The following CPD variants were observed in gnomAD, a reference collection of about 807,000 sequenced individuals.
CPD encodes metallocarboxypeptidase D.
A neutral mutation model predicts 138.3 loss-of-function variants in CPD; 69 were observed. The ratio of observed to expected loss-of-function variants is 0.50; its 90% confidence interval spans 0.41 to 0.61. The LOEUF is 0.61. CPD is among the 20% of genes least tolerant of loss of function. The pLI is 0.00. For missense variants in CPD, 1,432 were observed against 1,733.3 expected (o/e 0.83, Z 3.09); for synonymous variants, 651 against 642.1 (o/e 1.01, Z -0.21).
rs1443143651 is a variant in CPD at position 30,468,271 on chromosome 17, T to A, written c.*3457T>A. The A allele has an allele frequency of 2.0e-5, 3 of 152,618 alleles. No individual in the cohort carries two copies. The East Asian group carries it at 5.8e-4, about 29-fold the overall frequency. The allele number at this position is 152,618 out of a possible 1,614,324, so 9.5% of individuals were successfully genotyped here. On this transcript the variant is annotated 3_prime_UTR_variant, in exon 21 of 21. Coordinates refer to ENST00000225719, the MANE Select transcript of CPD (RefSeq NM_001304.5). ...CAGTTGGATATAAATTATGTAAATA[T>A]GTATGATTATGATTTTTATAAATGG...
rs1469712228 is a variant in CPD, at chr17:30,466,202, G to C, written c.*1388G>C. On this transcript the variant is annotated 3_prime_UTR_variant, in exon 21 of 21. Coordinates refer to ENST00000225719, the MANE Select transcript of CPD (RefSeq NM_001304.5). ...AATGATGTAACGGTTTAATACCTTT[G>C]AATGTTTTAATAACCAAGTTGCTGC... The C allele has an allele frequency of 1.3e-5, 2 of 152,588 alleles. No individual in the cohort carries two copies. Among genetic ancestry groups the C allele is most frequent in the African/African-American group, 4.8e-5 (2 of 41,440 alleles). The allele number at this position is 152,588 out of a possible 1,614,324, so 9.5% of individuals were successfully genotyped here. A position where few individuals can be genotyped will look rare whatever the true frequency, so the allele number is the denominator to read the frequency against.
At position 30,379,276 on chromosome 17, in the gene CPD, T is replaced by G. The variant is rs1316971256; in HGVS notation, c.296T>G (p.Leu99Arg). Residue 99 changes from leucine to arginine, a missense_variant, in exon 1 of 21, where the codon CTC becomes CGC. Leu to Arg is a moderately radical substitution (Grantham distance 102). This residue lies in a region of CPD where 484 missense variants were observed against 477.2 expected (regional missense o/e 1.01). Coordinates refer to ENST00000225719, the MANE Select transcript of CPD (RefSeq NM_001304.5). The surrounding 1 kb of genome is among the most constrained non-coding windows in gnomAD (Gnocchi z 7.0). ...VEGRPLWVLR[L>R]TAGLGSLIPE... is the part of the protein sequence containing the mutation. ...GGCCGGCCGCTGTGGGTGCTTCGCC[T>G]CACCGCCGGCCTGGGGTCGCTAATC... The G allele has an allele frequency of 6.6e-7, 1 of 1,511,232 alleles. No individual in the cohort carries two copies. The highest frequency in any genetic ancestry group is 8.8e-7 in the Non-Finnish European group (1 of 1,136,390). 93.6% of individuals were successfully genotyped at this position (1,511,232 alleles called of 1,614,324 possible).
intron 2 of CPD, among the ~76,000 whole-genome samples, chr17:30,391,562 G>A (rs753267065): frequency 2.0e-5 from 3 of 152,178 alleles, no homozygotes; most frequent in Non-Finnish European, 4.4e-5. Context: ...TTTTCTTGCA[G>A]ATAGAAGAAC....
chr17:30,392,027 G>A (rs1430772300), intron 2 of CPD, among the ~76,000 whole-genome samples: 1 of 55,008 alleles, frequency 1.8e-5, no homozygotes, highest in Admixed American at 2.1e-4. Flanking sequence ...TTTTTTTTTT[G>A]GAGACAAAGT....
At chr17:30,453,948 G>A (rs1913228409) in intron 14 of CPD, 1 of 152,200 alleles carries the variant, frequency 6.6e-6, no homozygotes, top group African/African-American at 2.4e-5. Flanking sequence ...TGGGACACAG[G>A]GCACCAAGTC....
chr17:30,379,363 G>GTGGT lies in CPD; in HGVS notation c.383_384insTGGT (p.Arg129GlyfsTer84). ...GACGCTGCGGGGCCGCTGCTGCCCG[G>GTGGT]CCGGCCCCAGGTGAAGCTGGTGGGC... On this transcript the variant is annotated frameshift_variant, in exon 1 of 21. Coordinates refer to ENST00000225719, the MANE Select transcript of CPD (RefSeq NM_001304.5). LOFTEE classifies it high-confidence loss of function. This position sits in a 1 kb window ranked among gnomAD's most constrained non-coding sequence, Gnocchi z 7.0. 1 of 1,505,182 alleles carries GTGGT rather than the reference G, an allele frequency of 6.6e-7. No homozygotes were observed. The highest frequency in any genetic ancestry group is 2.1e-5 in the Admixed American group (1 of 46,876). 93.2% of individuals were successfully genotyped at this position (1,505,182 alleles called of 1,614,324 possible).
intron 11 of CPD, among the ~76,000 whole-genome samples, chr17:30,444,714 G>C (rs1409914985): frequency 6.6e-6 from 1 of 151,924 alleles, no homozygotes; most frequent in East Asian, 1.9e-4. Context: ...AGTAGAGACA[G>C]GGTTTCTCTT....
At chr17:30,405,465 C>A (rs1414541152) in intron 2 of CPD, among the ~76,000 whole-genome samples, 1 of 152,078 alleles carries the variant, frequency 6.6e-6, no homozygotes, top group South Asian at 2.1e-4. Context: ...ATTTGGCATA[C>A]CTTTCACAAT....
At chr17:30,431,063 A>G (rs1442241903) in intron 7 of CPD, among the ~76,000 whole-genome samples, 1 of 152,148 alleles carries the variant, frequency 6.6e-6, no homozygotes, top group Non-Finnish European at 1.5e-5. Flanking sequence ...CAGAGGCTGG[A>G]CTATTTTACA....
intron 2 of CPD, among the ~76,000 whole-genome samples, chr17:30,404,397 G>A (rs719601): frequency 0.52 from 78,353 of 151,922 alleles, 20,827 homozygotes; most frequent in East Asian, 0.82. Context: ...TGTATATGCC[G>A]TTTTATAACC....
At chr17:30,397,828 A>G (rs1911551380) in intron 2 of CPD, among the ~76,000 whole-genome samples, 6 of 151,264 alleles carry the variant, frequency 4.0e-5, no homozygotes, top group Admixed American at 2.6e-4. Context: ...CTAGAAATCA[A>G]ATCTCTGGCA....
intron 7 of CPD, among the ~76,000 whole-genome samples, chr17:30,431,078 C>G (rs952054302): frequency 6.6e-6 from 1 of 152,136 alleles, no homozygotes; most frequent in Non-Finnish European, 1.5e-5. Context: ...TTTACATTCC[C>G]GCCAGCAATG....
intron 2 of CPD, among the ~76,000 whole-genome samples, chr17:30,413,680 G>T (rs1488839170): frequency 6.6e-6 from 1 of 152,192 alleles, no homozygotes; most frequent in Non-Finnish European, 1.5e-5. Context: ...CCCTTGTGTT[G>T]TTTATAATCT....
At chr17:30,400,379 TA>T (rs1911621618) in intron 2 of CPD, among the ~76,000 whole-genome samples, 1 of 152,118 alleles carries the variant, frequency 6.6e-6, no homozygotes, top group Admixed American at 6.5e-5. Context: ...ACTTAACTTA[TA>T]TATATATGCT....
At chr17:30,439,394 C>CTTTTTTTTTTTTTT (rs71138889) in intron 9 of CPD, among the ~76,000 whole-genome samples, 164 of 124,430 alleles carry the variant, frequency 1.3e-3, no homozygotes, top group Middle Eastern at 4.7e-3. Flanking sequence ...ACGTTACTTT[C>CTTTTTTTTTTTTTT]TTTTTTTTTT....
At chr17:30,438,345 A>G (rs1381729412) in intron 8 of CPD, among the ~76,000 whole-genome samples, 1 of 152,118 alleles carries the variant, frequency 6.6e-6, no homozygotes, top group Non-Finnish European at 1.5e-5. Context: ...TTTCAATGGC[A>G]TGCATTTGTG....
At chr17:30,398,447 T>C (rs1911566130) in intron 2 of CPD, among the ~76,000 whole-genome samples, 2 of 152,224 alleles carry the variant, frequency 1.3e-5, no homozygotes, top group African/African-American at 4.8e-5. Context: ...TCTCCTTTAA[T>C]CTTTGTTGAG....
chr17:30,392,688 A>G (rs966364244), intron 2 of CPD, among the ~76,000 whole-genome samples: 2 of 152,204 alleles, frequency 1.3e-5, no homozygotes, highest in African/African-American at 4.8e-5. Flanking sequence ...GGTAGAATTC[A>G]TTTATTTTCA....
intron 2 of CPD, among the ~76,000 whole-genome samples, chr17:30,408,903 CTTGCAGTA>C (rs1326843932): frequency 2.0e-5 from 3 of 152,088 alleles, no homozygotes; most frequent in African/African-American, 7.2e-5. Context: ...AAAGGGAATG[CTTGCAGTA>C]TTCAAAAAAA....
Sources: allele counts gnomAD v4.1 joint callset (sites outside exome capture counted in the v4.1 genomes callset), GRCh38; gene constraint gnomAD v4.1.1; regional missense constraint gnomAD v4.1.1; non-coding constraint Gnocchi (gnomAD v3.1); transcripts MANE v1.5; gene names NCBI Gene and HGNC (gene_info 2026-07-23, HGNC 2026-07-21).